Variants in PRKAG2 observed in about 807,000 individuals in gnomAD.
PRKAG2 encodes the protein 5'-AMP-activated protein kinase subunit gamma-2.
A neutral mutation model predicts 69.6 loss-of-function variants in PRKAG2; 26 were observed. The observed-to-expected ratio is 0.37, with a 90% confidence interval of 0.27 to 0.52. The LOEUF (loss-of-function observed/expected upper bound fraction) is 0.52, where lower values mean the gene tolerates loss of function less well. Ranked by LOEUF, PRKAG2 falls within the 20% of genes least tolerant of loss-of-function variation. The pLI, the probability that PRKAG2 is intolerant of heterozygous loss-of-function variation, is 0.90. For synonymous variants in PRKAG2, 293 were observed against 285.0 expected (o/e 1.03, Z -0.28); for missense variants, 557 against 740.0 (o/e 0.75, Z 2.87).
At chr7:151,693,614 G>A (rs990235257) in intron 3 of PRKAG2, among the ~76,000 whole-genome samples, 3 of 152,010 alleles carry the variant, frequency 2.0e-5, no homozygotes, top group African/African-American at 7.3e-5. Context: ...TCTGAAGGCT[G>A]TGGTCTGAAT....
At chr7:151,855,924 A>C (rs1027163347) in intron 1 of PRKAG2, among the ~76,000 whole-genome samples, 10 of 152,348 alleles carry the variant, frequency 6.6e-5, no homozygotes, top group Admixed American at 1.3e-4. Context: ...GCAGTTACAT[A>C]AAATACCTTG....
intron 5 of PRKAG2, among the ~76,000 whole-genome samples, chr7:151,603,999 CCAGT>C (rs1238730206): frequency 6.6e-6 from 1 of 152,186 alleles, no homozygotes; most frequent in Non-Finnish European, 1.5e-5. Context: ...TGTGCCCCAG[CCAGT>C]CAGGCACCCA....
chr7:151,765,804 CTCTA>C (rs2075705059), intron 3 of PRKAG2, among the ~76,000 whole-genome samples: 1 of 152,184 alleles, frequency 6.6e-6, no homozygotes, highest in Admixed American at 6.5e-5. Context: ...TATTTTAAAA[CTCTA>C]TCTAATTGCA....
chr7:151,710,909 G>C (rs949136506), intron 3 of PRKAG2, among the ~76,000 whole-genome samples: 1 of 152,214 alleles, frequency 6.6e-6, no homozygotes, highest in Non-Finnish European at 1.5e-5. Flanking sequence ...TGGGTCCAGA[G>C]TACTAAGAGT....
chr7:151,745,321 T>C (rs2074206812), intron 3 of PRKAG2, among the ~76,000 whole-genome samples: 1 of 152,182 alleles, frequency 6.6e-6, no homozygotes, highest in African/African-American at 2.4e-5. Context: ...CTCCTGCCGG[T>C]TGCAAAATAC....
chr7:151,557,853 C>A (rs1013052749), intron 15 of PRKAG2: 53 of 924,206 alleles, frequency 5.7e-5, no homozygotes, highest in Non-Finnish European at 6.7e-5. Context: ...GCCTGGTTGA[C>A]AAGAGTGAAA....
intron 3 of PRKAG2, among the ~76,000 whole-genome samples, chr7:151,681,170 G>A (rs1010146971): frequency 3.3e-5 from 5 of 152,246 alleles, no homozygotes; most frequent in African/African-American, 1.2e-4. Context: ...CCCAAAGGAG[G>A]TGAGAGAGGT....
chr7:151,782,793 A>C (rs2076786570), intron 2 of PRKAG2, among the ~76,000 whole-genome samples: 1 of 152,222 alleles, frequency 6.6e-6, no homozygotes, highest in South Asian at 2.1e-4. Flanking sequence ...GCGTGAGGCC[A>C]GGAAGCACAC....
intron 4 of PRKAG2, among the ~76,000 whole-genome samples, chr7:151,650,321 A>G (rs1455532601): frequency 6.6e-6 from 1 of 151,824 alleles, no homozygotes; most frequent in Non-Finnish European, 1.5e-5. Flanking sequence ...AAAAATTTAG[A>G]AGAAAAATGG....
intron 4 of PRKAG2, among the ~76,000 whole-genome samples, chr7:151,640,496 T>TA (rs1826492871): frequency 6.6e-6 from 1 of 152,304 alleles, no homozygotes; most frequent in South Asian, 2.1e-4. Context: ...TGTCCTGGAA[T>TA]AGACCATACA....
rs112205101 is a variant in PRKAG2, at chr7:151,694,151, G to A, written c.467-18514C>T. On this transcript the variant is annotated intron_variant, in intron 3 of 15. Coordinates refer to ENST00000287878, the MANE Select transcript of PRKAG2 (RefSeq NM_016203.4). ...AGCCTCCCAAAGTATTGGGATTACA[G>A]GCGTGAGCCACAGTGCCCAGCCACA... Among the ~76,000 whole-genome samples the A allele has an allele frequency of 4.5e-3, 680 of 152,352 alleles. 4 individuals carry two copies. The highest frequency in any genetic ancestry group is 6.6e-3 in the Non-Finnish European group (447 of 68,034).
At chr7:151,739,111 C>A (rs1198647550) in intron 3 of PRKAG2, among the ~76,000 whole-genome samples, 1 of 152,248 alleles carries the variant, frequency 6.6e-6, no homozygotes, top group East Asian at 1.9e-4. Flanking sequence ...CACACACCAG[C>A]TCCCAAGAAG....
At chr7:151,773,234 AAAGGAAAGAAAG>A (rs977852351) in intron 3 of PRKAG2, among the ~76,000 whole-genome samples, 10 of 147,440 alleles carry the variant, frequency 6.8e-5, no homozygotes, top group South Asian at 2.1e-4. Context: ...GAAAGAAAGG[AAAGGAAAGAAAG>A]AAGGAAAGAA....
chr7:151,577,679 T>C (rs17173198), intron 6 of PRKAG2, among the ~76,000 whole-genome samples: 32,222 of 151,962 alleles, frequency 0.21, 4,371 homozygotes, highest in East Asian at 0.44. Flanking sequence ...CAATGTTCCA[T>C]GTGACATTAC....
intron 3 of PRKAG2, among the ~76,000 whole-genome samples, chr7:151,746,711 G>C (rs1240073300): frequency 6.6e-6 from 1 of 152,200 alleles, no homozygotes; most frequent in Non-Finnish European, 1.5e-5. Context: ...GGCTGCTCCT[G>C]GGACGGCTGC....
chr7:151,741,698 T>G (rs911669427), intron 3 of PRKAG2, among the ~76,000 whole-genome samples: 6 of 151,718 alleles, frequency 4.0e-5, no homozygotes, highest in Non-Finnish European at 7.4e-5. Context: ...AAAAGAACAT[T>G]TCAAAGTTTA....
intron 6 of PRKAG2, 145 bp from the exon 7 acceptor site, chr7:151,576,597 C>G (rs1808995123): frequency 1.4e-6 from 1 of 702,470 alleles, no homozygotes; most frequent in South Asian, 1.7e-5. Flanking sequence ...GCTTCCTGGG[C>G]TCAATTGATT....
chr7:151,762,577 G>C lies in PRKAG2; in HGVS notation c.466+18575C>G, dbSNP rs139297074. Among the ~76,000 whole-genome samples the C allele has an allele frequency of 2.7e-3, 418 of 152,276 alleles. 5 individuals are homozygous for C. Among genetic ancestry groups the C allele is most frequent in the African/African-American group, 9.8e-3 (406 of 41,556 alleles). ...CAAAATACAGGGGTTTGGTGGAAAA[G>C]AGGCAAACTATGCCAAGCATCCTCT... On this transcript the variant is annotated intron_variant, in intron 3 of 15. Transcript: ENST00000287878.
chr7:151,773,044 AGAGAGAGAGGGAGGGAGGGAGG>A (rs1269784105), intron 3 of PRKAG2, among the ~76,000 whole-genome samples: 28 of 33,728 alleles, frequency 8.3e-4, no homozygotes, highest in East Asian at 7.9e-3. Context: ...AGAGAGAGAG[AGAGAGAGAGGGAGGGAGGGAGG>A]GAGGGAGGGA....
Sources: gnomAD v4.1 joint callset for allele counts (sites outside exome capture counted in the v4.1 genomes callset) on GRCh38, gnomAD v4.1.1 for gene constraint, MANE v1.5 for transcripts, NCBI Gene and HGNC (gene_info 2026-07-23, HGNC 2026-07-21) for gene names.